PTPRK: variants seen among roughly 807,000 people sequenced by gnomAD.
PTPRK encodes receptor-type tyrosine-protein phosphatase kappa.
PTPRK carries 75 observed loss-of-function variants against 178.0 expected under a neutral mutation model. That is an observed-to-expected ratio of 0.42 (90% CI 0.35 to 0.51). The LOEUF (loss-of-function observed/expected upper bound fraction) is 0.51, where lower values mean the gene tolerates loss of function less well. Among genes scored for constraint, PTPRK ranks in the 20% least tolerant of loss-of-function variants. PTPRK has a pLI of 0.02. For missense variants in PTPRK, 1,441 were observed against 1,797.8 expected (o/e 0.80, Z 3.59); for synonymous variants, 637 against 620.6 (o/e 1.03, Z -0.39).
intron 2 of PTPRK, among the ~76,000 whole-genome samples, chr6:128,343,681 T>C (rs1831999323): frequency 1.3e-5 from 2 of 152,146 alleles, no homozygotes; most frequent in Non-Finnish European, 2.9e-5. Context: ...ATTAACAAAC[T>C]CCATTCAAAT....
rs943264957 is a variant in PTPRK, at chr6:128,114,629, A to G, written c.1163-24637T>C. 6.6e-5 allele frequency among the ~76,000 whole-genome samples: 10 copies of G among 151,470 alleles called. No individual in the cohort carries two copies. The East Asian group carries it at 1.2e-3, about 18-fold the overall frequency. ...CAGAGTAAGACTCAGTCTCAAAAAAAAAAAAAAAAAGCTCTAGCAAGAACT... is the reference window on the plus strand; with the variant it reads ...CAGAGTAAGACTCAGTCTCAAAAAAGAAAAAAAAAAGCTCTAGCAAGAACT... On this transcript the variant is annotated intron_variant, in intron 7 of 29. Transcript: ENST00000368226.
chr6:128,049,639 T>C (rs1778660606), intron 13 of PTPRK, among the ~76,000 whole-genome samples: 1 of 152,130 alleles, frequency 6.6e-6, no homozygotes, highest in Non-Finnish European at 1.5e-5. Flanking sequence ...AAGTAAATTT[T>C]AATATAATTT....
At chr6:128,016,446 C>A (rs1779604084) in intron 13 of PTPRK, among the ~76,000 whole-genome samples, 1 of 151,876 alleles carries the variant, frequency 6.6e-6, no homozygotes, top group Non-Finnish European at 1.5e-5. Flanking sequence ...AAGGAGGACA[C>A]TTCTCATATG....
intron 13 of PTPRK, among the ~76,000 whole-genome samples, chr6:128,046,051 GA>G (rs779955149): frequency 2.6e-5 from 4 of 152,104 alleles, no homozygotes; most frequent in Non-Finnish European, 4.4e-5. Context: ...GATGTTGACA[GA>G]AAAGCAGGAA....
chr6:128,333,344 T>C (rs943106232), intron 2 of PTPRK, among the ~76,000 whole-genome samples: 6 of 152,204 alleles, frequency 3.9e-5, no homozygotes, highest in African/African-American at 1.4e-4. Flanking sequence ...TGTAAATGAA[T>C]ATTCTCAAAG....
chr6:128,078,687 T>C (rs1784278027), intron 11 of PTPRK, 126 bp downstream of exon 11: 2 of 505,658 alleles, frequency 4.0e-6, no homozygotes, highest in Admixed American at 3.4e-5. Context: ...GGTTTGCATA[T>C]ATAGAAAAAA....
intron 1 of PTPRK, among the ~76,000 whole-genome samples, chr6:128,499,467 A>C (rs553917199): frequency 6.6e-6 from 1 of 152,356 alleles, no homozygotes; most frequent in Non-Finnish European, 1.5e-5. Flanking sequence ...AATATCCAGA[A>C]ATTATACACG....
At chr6:128,090,376 T>C (rs1786711654) in intron 7 of PTPRK, among the ~76,000 whole-genome samples, 1 of 152,214 alleles carries the variant, frequency 6.6e-6, no homozygotes, top group South Asian at 2.1e-4. Context: ...ACTCAACATA[T>C]TCTACTCTGT....
intron 1 of PTPRK, among the ~76,000 whole-genome samples, chr6:128,449,834 G>A (rs759731272): frequency 6.6e-6 from 1 of 151,814 alleles, no homozygotes; most frequent in Admixed American, 6.6e-5. Context: ...GGTGGCTCAT[G>A]CCTGTAATTC....
In PTPRK at chr6:128,226,558, C is replaced by T. The variant is rs553423262; in HGVS notation, c.694-7462G>A. 2.0e-5 allele frequency among the ~76,000 whole-genome samples: 3 copies of T among 151,956 alleles called. No homozygotes were observed. The South Asian group carries it at 6.2e-4, about 32-fold the overall frequency. ...GGCTTTAAGACCAGGGGTGAGGCTTCTCCGAAGTAGAAGAAATTCTACCAG... is the reference window on the plus strand; with the variant it reads ...GGCTTTAAGACCAGGGGTGAGGCTTTTCCGAAGTAGAAGAAATTCTACCAG... On this transcript the variant is annotated intron_variant, in intron 5 of 29. Coordinates refer to ENST00000368226, the MANE Select transcript of PTPRK (RefSeq NM_002844.4).
At chr6:128,000,282 G>A in intron 15 of PTPRK, 1 of 1,284,706 alleles carries the variant, frequency 7.8e-7, no homozygotes, top group African/African-American at 1.6e-5. Context: ...CTACAAATAG[G>A]ATATAGCAAA....
chr6:128,161,691 T>G (rs1011563745), intron 7 of PTPRK, among the ~76,000 whole-genome samples: 19 of 151,756 alleles, frequency 1.3e-4, no homozygotes, highest in African/African-American at 4.1e-4. Flanking sequence ...ATAATGCTTC[T>G]GAATTTACCA....
At chr6:128,430,820 C>A (rs1275134440) in intron 1 of PTPRK, among the ~76,000 whole-genome samples, 1 of 152,128 alleles carries the variant, frequency 6.6e-6, no homozygotes, top group Admixed American at 6.5e-5. Flanking sequence ...CACCACACAC[C>A]CCCGGGGAGA....
At chr6:128,406,084 C>T (rs938286542) in intron 1 of PTPRK, among the ~76,000 whole-genome samples, 1 of 151,440 alleles carries the variant, frequency 6.6e-6, no homozygotes, top group South Asian at 2.1e-4. Context: ...TAGGGAGAAC[C>T]CACCTCTACA....
At chr6:128,403,705 C>T (rs1171041750) in intron 1 of PTPRK, among the ~76,000 whole-genome samples, 1 of 152,006 alleles carries the variant, frequency 6.6e-6, no homozygotes, top group Non-Finnish European at 1.5e-5. Context: ...AATATGGTTT[C>T]CATCTAATAT....
In PTPRK at chr6:128,352,995, T is replaced by C. The variant is rs991603781; in HGVS notation, c.224-30685A>G. On this transcript the variant is annotated intron_variant, in intron 2 of 29. Transcript: ENST00000368226. Reference sequence around the variant, plus strand: ...ACTCACAGTTATTTACCATACTAAATACAGAACATTAAAAATCTTGAAAAC... The same window carrying C: ...ACTCACAGTTATTTACCATACTAAACACAGAACATTAAAAATCTTGAAAAC... Among the ~76,000 whole-genome samples the C allele has an allele frequency of 2.0e-5, 3 of 152,220 alleles. No homozygotes were observed. In the South Asian group the frequency reaches 6.2e-4, roughly 32 times the overall value.
chr6:128,462,873 T>G (rs957672347), intron 1 of PTPRK, among the ~76,000 whole-genome samples: 1 of 152,080 alleles, frequency 6.6e-6, no homozygotes, highest in Admixed American at 6.6e-5. Flanking sequence ...GCCAGGCTGG[T>G]GTCGAACTCC....
intron 8 of PTPRK, 56 bp downstream of exon 8, chr6:128,089,634 T>A: frequency 6.8e-7 from 1 of 1,461,904 alleles, no homozygotes; most frequent in Non-Finnish European, 9.5e-7. Context: ...CTTAAAGTAA[T>A]CACATTTTTC....
At chr6:128,162,475 G>C (rs1798840409) in intron 7 of PTPRK, among the ~76,000 whole-genome samples, 1 of 151,562 alleles carries the variant, frequency 6.6e-6, no homozygotes, top group Non-Finnish European at 1.5e-5. Flanking sequence ...CCTTAAAACT[G>C]TCTTAACACT....
Sources: allele counts gnomAD v4.1 joint callset (sites outside exome capture counted in the v4.1 genomes callset), GRCh38; gene constraint gnomAD v4.1.1; transcripts MANE v1.5; gene names NCBI Gene and HGNC (gene_info 2026-07-23, HGNC 2026-07-21).